Variants in GRIA2 observed in about 807,000 individuals in gnomAD.
GRIA2 encodes glutamate receptor 2.
In GRIA2, 14 loss-of-function variants were observed where a neutral mutation model predicts 97.3. The observed-to-expected ratio is 0.14, with a 90% CI of 0.10 to 0.23. GRIA2 has a LOEUF of 0.23. Ranked by LOEUF, GRIA2 falls within the 10% of genes least tolerant of loss-of-function variation. The probability of loss-of-function intolerance (pLI) is 1.00; values close to 1 mark genes in which losing one functional copy is unlikely to be tolerated. For missense variants in GRIA2, 558 were observed against 1,069.8 expected, an observed-to-expected ratio of 0.52 and a Z score of 6.67; for synonymous variants, 412 against 387.8, an observed-to-expected ratio of 1.06 and a Z score of -0.73.
chr4:157,275,268 G>C (rs1451117053), intron 2 of GRIA2, among the ~76,000 whole-genome samples: 4 of 152,090 alleles, frequency 2.6e-5, no homozygotes, highest in Non-Finnish European at 4.4e-5. Flanking sequence ...CTGGATATTA[G>C]CCCTTTGTCA....
intron 2 of GRIA2, among the ~76,000 whole-genome samples, chr4:157,282,948 A>G (rs1174226832): frequency 6.6e-6 from 1 of 152,082 alleles, no homozygotes; most frequent in Non-Finnish European, 1.5e-5. Context: ...GATACATTTA[A>G]GATGCTCTTT....
chr4:157,284,867 G>T (rs1472696351), intron 2 of GRIA2, among the ~76,000 whole-genome samples: 1 of 151,524 alleles, frequency 6.6e-6, no homozygotes, highest in Non-Finnish European at 1.5e-5. Context: ...GGGTGTTTTG[G>T]TAGTACAAGC....
chr4:157,282,318 G>A (rs559119232), intron 2 of GRIA2, among the ~76,000 whole-genome samples: 2 of 152,144 alleles, frequency 1.3e-5, no homozygotes, highest in South Asian at 4.1e-4. Flanking sequence ...GGACATGAGT[G>A]GAACAATCTA....
At chr4:157,339,514 C>A (rs951933181) in intron 11 of GRIA2, among the ~76,000 whole-genome samples, 6 of 151,628 alleles carry the variant, frequency 4.0e-5, no homozygotes, top group Admixed American at 1.3e-4. Context: ...TTTATAAGTC[C>A]AATAAAAATT....
At chr4:157,235,518 G>A (rs1013746693) in intron 2 of GRIA2, among the ~76,000 whole-genome samples, 1 of 151,854 alleles carries the variant, frequency 6.6e-6, no homozygotes, top group African/African-American at 2.4e-5. Context: ...AGCAGAAATG[G>A]TAATTCAAAA....
intron 2 of GRIA2, among the ~76,000 whole-genome samples, chr4:157,268,281 G>T (rs932202195): frequency 1.3e-5 from 2 of 151,996 alleles, no homozygotes; most frequent in Non-Finnish European, 2.9e-5. Context: ...GGTGTTTCTA[G>T]TATGGGACTG....
chr4:157,334,080 C>T lies in GRIA2; in HGVS notation c.1226C>T (p.Ser409Phe). 6.2e-7 allele frequency: 1 copy of T among 1,609,524 alleles called. No individual in the cohort carries two copies. The highest frequency in any genetic ancestry group is 1.1e-5 in the South Asian group (1 of 90,962). Residue 409 changes from serine to phenylalanine, a missense_variant, in exon 9 of 16, where the codon TCT becomes TTT. Ser to Phe is a radical substitution (Grantham distance 155). This residue lies in a region of GRIA2 where 66 missense variants were observed against 118.7 expected (regional missense o/e 0.56). Transcript: ENST00000264426. ...LTELPSGNDT[S>F]GLENKTVVVT... ...GAGCTCCCTTCTGGAAATGACACCT[C>T]TGGGCTTGAGAATAAGACTGTTGTT...
intron 3 of GRIA2, among the ~76,000 whole-genome samples, chr4:157,304,764 A>AC (rs1733765415): frequency 6.6e-6 from 1 of 152,136 alleles, no homozygotes; most frequent in African/African-American, 2.4e-5. Flanking sequence ...AAGATAGGGC[A>AC]CCTTGTTAAC....
rs1736644565 is a variant in GRIA2, at chr4:157,361,827, GT to G, written c.2406+708del. On this transcript the variant is annotated intron_variant, in intron 14 of 15. Coordinates refer to ENST00000264426, the MANE Select transcript of GRIA2 (RefSeq NM_001083619.3). This position sits in a 1 kb window ranked among gnomAD's most constrained non-coding sequence, Gnocchi z 5.2. ...ATGCCTGCAGAGTTACTGATTTGTT[GT>G]TTTTATTTTATTTTAAATATAGTAT... Among the ~76,000 whole-genome samples, 1 of 151,980 alleles carries G rather than the reference GT, an allele frequency of 6.6e-6. No homozygotes were observed. Among genetic ancestry groups the G allele is most frequent in the Non-Finnish European group, 1.5e-5 (1 of 67,988 alleles).
chr4:157,355,110 G>A (rs1390342406), intron 12 of GRIA2, among the ~76,000 whole-genome samples: 1 of 152,086 alleles, frequency 6.6e-6, no homozygotes, highest in Non-Finnish European at 1.5e-5. Context: ...TTTTTCTCCA[G>A]CTCATATTAA....
chr4:157,357,483 A>T (rs1486077621), intron 12 of GRIA2, among the ~76,000 whole-genome samples: 1 of 152,156 alleles, frequency 6.6e-6, no homozygotes, highest in Admixed American at 6.6e-5. Context: ...ATTCTGACTT[A>T]TGAAAAAAGT....
intron 2 of GRIA2, among the ~76,000 whole-genome samples, chr4:157,226,473 T>G (rs1387159317): frequency 6.6e-6 from 1 of 152,100 alleles, no homozygotes; most frequent in African/African-American, 2.4e-5. Flanking sequence ...TTGTAAATGC[T>G]CTTAGAGGAG....
At chr4:157,233,490 A>G (rs537615523) in intron 2 of GRIA2, among the ~76,000 whole-genome samples, 2 of 152,160 alleles carry the variant, frequency 1.3e-5, no homozygotes, top group African/African-American at 4.8e-5. Context: ...GCCAAGCAAC[A>G]TAGGCTTTGG....
At chr4:157,327,033 G>A (rs1734833462) in intron 6 of GRIA2, among the ~76,000 whole-genome samples, 1 of 152,070 alleles carries the variant, frequency 6.6e-6, no homozygotes, top group Non-Finnish European at 1.5e-5. Context: ...AGATGGATTT[G>A]TTACATCTGC....
rs1185089183 is a variant in GRIA2 at position 157,365,819 on chromosome 4, A to G, written c.*2388A>G. The G allele has an allele frequency of 1.3e-5, 2 of 151,792 alleles. No individual in the cohort carries two copies. The highest frequency in any genetic ancestry group is 3.0e-5 in the Non-Finnish European group (2 of 67,544). The allele number at this position is 151,792 out of a possible 1,614,324, so 9.4% of individuals were successfully genotyped here. A position where few individuals can be genotyped will look rare whatever the true frequency, so the allele number is the denominator to read the frequency against. On this transcript the variant is annotated 3_prime_UTR_variant, in exon 16 of 16. Transcript: ENST00000264426. Reference sequence around the variant, plus strand: ...ATGTTTATGAACTATTCTTATGTAAATTTACAATTGTCCTTTACTGTACTT... The same window carrying G: ...ATGTTTATGAACTATTCTTATGTAAGTTTACAATTGTCCTTTACTGTACTT...
chr4:157,303,616 T>C lies in GRIA2; in HGVS notation c.294T>C (p.Asn98=). Residue 98 remains asparagine (N), a synonymous_variant, in exon 3 of 16, where the codon AAT becomes AAC. Coordinates refer to ENST00000264426, the MANE Select transcript of GRIA2 (RefSeq NM_001083619.3). ...GATTTTATGACAAGAAGTCTGTAAATACCATCACATCATTTTGCGGAACAC... is the reference window on the plus strand; with the variant it reads ...GATTTTATGACAAGAAGTCTGTAAACACCATCACATCATTTTGCGGAACAC... ...IFGFYDKKSV[N]TITSFCGTLH... The C allele has an allele frequency of 6.2e-7, 1 of 1,613,954 alleles. No individual in the cohort carries two copies. Among genetic ancestry groups the C allele is most frequent in the Non-Finnish European group, 8.5e-7 (1 of 1,179,846 alleles).
Position 157,356,181 on chromosome 4 carries a change from A to ATATTTATATT in GRIA2, c.2044-3708_2044-3707insATTTATTTAT, listed in dbSNP as rs1427695739. ...TTTATATATATTTATATATATTTAT[A>ATATTTATATT]TATTTATTTATATATATTTATATAT... On this transcript the variant is annotated intron_variant, in intron 12 of 15. Transcript: ENST00000264426. 2.2e-3 allele frequency among the ~76,000 whole-genome samples: 258 copies of ATATTTATATT among 119,984 alleles called. 1 individual carries two copies. The highest frequency in any genetic ancestry group is 7.7e-3 in the East Asian group (36 of 4,674). The allele number at this position is 119,984 out of a possible 152,430, so 78.7% of individuals were successfully genotyped here.
intron 12 of GRIA2, among the ~76,000 whole-genome samples, chr4:157,348,058 G>T (rs547035199): frequency 1.4e-4 from 22 of 151,990 alleles, no homozygotes; most frequent in Non-Finnish European, 1.3e-4. Flanking sequence ...GGAGGTTGCA[G>T]TGAGCCGGGA....
intron 6 of GRIA2, among the ~76,000 whole-genome samples, chr4:157,329,707 A>G (rs1734963676): frequency 6.6e-6 from 1 of 151,946 alleles, no homozygotes; most frequent in Non-Finnish European, 1.5e-5. Flanking sequence ...CTACTGGTCA[A>G]TAACTTACAT....
Sources: gnomAD v4.1 joint callset for allele counts (sites outside exome capture counted in the v4.1 genomes callset) on GRCh38, gnomAD v4.1.1 for gene constraint, gnomAD v4.1.1 regional missense constraint, Gnocchi (gnomAD v3.1) non-coding constraint, MANE v1.5 for transcripts, NCBI Gene and HGNC (gene_info 2026-07-23, HGNC 2026-07-21) for gene names.